Variants in CNTNAP2 observed in about 807,000 individuals in gnomAD.
CNTNAP2 encodes the protein contactin associated protein 2, also known as contactin-associated protein-like 2.
Under a neutral mutation model 155.2 loss-of-function variants are expected in CNTNAP2, and 98 were observed. The ratio of observed to expected loss-of-function variants is 0.63; its 90% confidence interval spans 0.54 to 0.75. CNTNAP2 has a LOEUF of 0.75. Ranked by LOEUF, CNTNAP2 falls within the 30% of genes least tolerant of loss-of-function variation. CNTNAP2 has a pLI of 0.00. For missense variants in CNTNAP2, 1,727 were observed against 1,688.1 expected (o/e 1.02, Z -0.40); for synonymous variants, 651 against 631.2 (o/e 1.03, Z -0.47).
chr7:146,737,813 A>G (rs902496201), intron 1 of CNTNAP2, among the ~76,000 whole-genome samples: 2 of 152,112 alleles, frequency 1.3e-5, no homozygotes, highest in Non-Finnish European at 2.9e-5. Flanking sequence ...TGCAAATGAT[A>G]ACACTTCGTT....
At chr7:148,323,697 T>C (rs1038239288) in intron 21 of CNTNAP2, among the ~76,000 whole-genome samples, 1 of 152,180 alleles carries the variant, frequency 6.6e-6, no homozygotes, top group Non-Finnish European at 1.5e-5. Flanking sequence ...GTGTCTGCTA[T>C]ATAAATGTGA....
At chr7:148,314,540 A>G (rs1012659490) in intron 21 of CNTNAP2, among the ~76,000 whole-genome samples, 22 of 152,218 alleles carry the variant, frequency 1.4e-4, no homozygotes, top group African/African-American at 5.1e-4. Context: ...AAGCTTGCCC[A>G]TAGTGAAGGA....
chr7:147,570,894 C>T (rs1584821718), intron 12 of CNTNAP2, among the ~76,000 whole-genome samples: 2 of 152,296 alleles, frequency 1.3e-5, no homozygotes, highest in East Asian at 3.9e-4. Context: ...GTACGATTTG[C>T]AATATGATTG....
At chr7:147,778,476 A>G (rs1797620230) in intron 13 of CNTNAP2, among the ~76,000 whole-genome samples, 1 of 152,190 alleles carries the variant, frequency 6.6e-6, no homozygotes, top group Non-Finnish European at 1.5e-5. Context: ...ATGCCATGCT[A>G]AAAGAGTTGG....
rs539681245 is a variant in CNTNAP2, at chr7:147,182,428, G to C, written c.1348+49919G>C. On this transcript the variant is annotated intron_variant, in intron 8 of 23. Transcript: ENST00000361727. ...CCTAAAAATAAGATATAGTCATGTA[G>C]CACATTACTTTGAAGAGAAAAATAA... Among the ~76,000 whole-genome samples, 21 of 152,002 alleles carry C rather than the reference G, an allele frequency of 1.4e-4. No individual in the cohort carries two copies. The East Asian group carries it at 3.9e-3, about 28-fold the overall frequency.
intron 15 of CNTNAP2, among the ~76,000 whole-genome samples, chr7:148,107,352 T>TCTAGCC (rs1473130699): frequency 1.3e-5 from 2 of 152,176 alleles, no homozygotes; most frequent in Admixed American, 1.3e-4. Context: ...AGGACCCGAA[T>TCTAGCC]CACAGAGACA....
chr7:148,084,298 G>A (rs1246554466), intron 15 of CNTNAP2, among the ~76,000 whole-genome samples: 6 of 152,108 alleles, frequency 3.9e-5, no homozygotes, highest in East Asian at 1.9e-4. Flanking sequence ...TAGGAGAGGG[G>A]CCAGGGCTCT....
chr7:148,157,785 G>T lies in CNTNAP2; in HGVS notation c.2773+10076G>T, dbSNP rs556342451. On this transcript the variant is annotated intron_variant, in intron 17 of 23. Transcript: ENST00000361727. The stretch of plus-strand genomic sequence containing the variant: ...TTGGTTCTCTCTGGGATAGAAATAG[G>T]GAGTGATGTCGTAATTAGAAACCAT... Among the ~76,000 whole-genome samples, 5 of 152,158 alleles carry T rather than the reference G, an allele frequency of 3.3e-5. No individual in the cohort carries two copies. In the East Asian group the frequency reaches 7.7e-4, roughly 24 times the overall value.
At chr7:146,782,999 A>T (rs1407877412) in intron 2 of CNTNAP2, among the ~76,000 whole-genome samples, 1 of 152,202 alleles carries the variant, frequency 6.6e-6, no homozygotes, top group Non-Finnish European at 1.5e-5. Flanking sequence ...ATAATAATTT[A>T]AAAATTAGTA....
At chr7:146,694,900 G>A (rs1158036137) in intron 1 of CNTNAP2, among the ~76,000 whole-genome samples, 3 of 151,738 alleles carry the variant, frequency 2.0e-5, no homozygotes, top group Admixed American at 6.6e-5. Flanking sequence ...AGTGTTCATT[G>A]CTGGTATATA....
chr7:146,428,645 A>G (rs78475057), intron 1 of CNTNAP2, among the ~76,000 whole-genome samples: 2,594 of 151,414 alleles, frequency 0.017, 76 homozygotes, highest in African/African-American at 0.059. Flanking sequence ...GCCTCTGTAT[A>G]TTAGACCTTT....
Position 148,301,302 on chromosome 7 carries a change from A to AT in CNTNAP2, c.3475+34176_3475+34177insT, listed in dbSNP as rs1554414628. On this transcript the variant is annotated intron_variant, in intron 21 of 23. Coordinates refer to ENST00000361727, the MANE Select transcript of CNTNAP2 (RefSeq NM_014141.6). ...AGGCGAGACTCCGTCTAAAAAAAAA[A>AT]AAAAATATATATATATATATAGGTT... 4.7e-3 allele frequency among the ~76,000 whole-genome samples: 222 copies of AT among 47,360 alleles called. 1 individual carries two copies. Among genetic ancestry groups the AT allele is most frequent in the African/African-American group, 0.011 (195 of 17,874 alleles). 31.1% of individuals were successfully genotyped at this position (47,360 alleles called of 152,430 possible). A position where few individuals can be genotyped will look rare whatever the true frequency, so the allele number is the denominator to read the frequency against.
chr7:147,522,759 C>T (rs1799249864), intron 11 of CNTNAP2, among the ~76,000 whole-genome samples: 1 of 138,810 alleles, frequency 7.2e-6, no homozygotes, highest in Admixed American at 7.7e-5. Context: ...TCAAAATTTT[C>T]TGGCCCAGCA....
At chr7:146,499,272 T>C (rs1797264863) in intron 1 of CNTNAP2, among the ~76,000 whole-genome samples, 1 of 152,200 alleles carries the variant, frequency 6.6e-6, no homozygotes, top group Non-Finnish European at 1.5e-5. Context: ...AATCTCCACA[T>C]CCTGGGTTCA....
chr7:147,159,044 G>A (rs1584762739), intron 8 of CNTNAP2, among the ~76,000 whole-genome samples: 1 of 152,034 alleles, frequency 6.6e-6, no homozygotes, highest in Non-Finnish European at 1.5e-5. Context: ...GAAAGGTCAG[G>A]GTTCTTGATT....
At chr7:146,189,953 A>T (rs117403357) in intron 1 of CNTNAP2, among the ~76,000 whole-genome samples, 2 of 152,178 alleles carry the variant, frequency 1.3e-5, no homozygotes, top group South Asian at 2.1e-4. Flanking sequence ...TTTGCACATG[A>T]TCCCATAAAT....
intron 1 of CNTNAP2, among the ~76,000 whole-genome samples, chr7:146,397,715 A>G (rs1442246725): frequency 6.6e-6 from 1 of 152,118 alleles, no homozygotes; most frequent in East Asian, 1.9e-4. Flanking sequence ...ATACCAGTTT[A>G]CAATACTTTA....
intron 2 of CNTNAP2, among the ~76,000 whole-genome samples, chr7:146,811,603 TAG>T (rs1803067703): frequency 6.6e-6 from 1 of 152,130 alleles, no homozygotes; most frequent in Non-Finnish European, 1.5e-5. Context: ...ATCTTTTCTA[TAG>T]GCTTTTCTTT....
chr7:146,745,846 C>T (rs1801801769), intron 1 of CNTNAP2, among the ~76,000 whole-genome samples: 1 of 151,350 alleles, frequency 6.6e-6, no homozygotes, highest in Non-Finnish European at 1.5e-5. Flanking sequence ...AGAAGAGAAA[C>T]TATGGCATAT....
Sources: allele counts gnomAD v4.1 joint callset (sites outside exome capture counted in the v4.1 genomes callset), GRCh38; gene constraint gnomAD v4.1.1; transcripts MANE v1.5; gene names NCBI Gene and HGNC (gene_info 2026-07-23, HGNC 2026-07-21).